The following EPHA6 variants were observed in gnomAD, a reference collection of about 807,000 sequenced individuals.
EPHA6 encodes the protein EPH receptor A6.
In EPHA6, 50 loss-of-function variants were observed where a neutral mutation model predicts 112.0. The ratio of observed to expected loss-of-function variants is 0.45; its 90% CI spans 0.36 to 0.56. EPHA6 has a LOEUF of 0.56. Ranked by LOEUF, EPHA6 falls within the 20% of genes least tolerant of loss-of-function variation. EPHA6 has a pLI of 0.00. For missense variants in EPHA6, 1,280 were observed against 1,417.4 expected, an observed-to-expected ratio of 0.90 and a Z score of 1.56; for synonymous variants, 529 against 490.7, an observed-to-expected ratio of 1.08 and a Z score of -1.03.
At chr3:97,523,760 C>A (rs539753677) in intron 10 of EPHA6, among the ~76,000 whole-genome samples, 1 of 151,938 alleles carries the variant, frequency 6.6e-6, no homozygotes, top group South Asian at 2.1e-4. Context: ...ATTTTAAATG[C>A]TTATCTTTTT....
intron 1 of EPHA6, among the ~76,000 whole-genome samples, chr3:96,857,447 C>T (rs2035760979): frequency 1.3e-5 from 2 of 151,830 alleles, no homozygotes; most frequent in African/African-American, 4.8e-5. Flanking sequence ...CTCCTCCTAA[C>T]TCCTCTGCAA....
chr3:97,691,121 T>C (rs138592992), intron 14 of EPHA6, among the ~76,000 whole-genome samples: 5 of 152,338 alleles, frequency 3.3e-5, no homozygotes, highest in African/African-American at 1.2e-4. Flanking sequence ...TTGCATATGG[T>C]ATAAGTTAGG....
intron 14 of EPHA6, among the ~76,000 whole-genome samples, chr3:97,718,655 C>T (rs570814831): frequency 6.6e-6 from 1 of 152,118 alleles, no homozygotes; most frequent in South Asian, 2.1e-4. Flanking sequence ...AACTCCCTGC[C>T]CCCCAACACT....
chr3:97,413,035 G>A (rs2087842713), intron 6 of EPHA6, among the ~76,000 whole-genome samples: 2 of 151,210 alleles, frequency 1.3e-5, no homozygotes, highest in East Asian at 2.0e-4. Context: ...ATGCCTTCTG[G>A]GGAGTAACAA....
At chr3:97,371,805 G>C (rs1299463358) in intron 5 of EPHA6, among the ~76,000 whole-genome samples, 1 of 152,088 alleles carries the variant, frequency 6.6e-6, no homozygotes, top group Admixed American at 6.6e-5. Context: ...ATGCCTAGGG[G>C]TAGGCCTCTA....
chr3:97,546,758 T>G (rs2092956029), intron 11 of EPHA6, among the ~76,000 whole-genome samples: 1 of 152,218 alleles, frequency 6.6e-6, no homozygotes, highest in African/African-American at 2.4e-5. Flanking sequence ...GAAGCTTTGT[T>G]CATTTCTTTT....
rs545844071 is a variant in EPHA6, at chr3:97,017,517, C to T, written c.1114+29524C>T. ...AAAGTGCTTGGGGGCCCCAAATAAA[C>T]GGGAAAGGCAGTCTAGGCCCCAATG... On this transcript the variant is annotated intron_variant, in intron 3 of 17. Transcript: ENST00000389672. 9.0e-4 allele frequency among the ~76,000 whole-genome samples: 137 copies of T among 152,190 alleles called. 1 individual carries two copies. The highest frequency in any genetic ancestry group is 3.4e-3 in the Middle Eastern group (1 of 294).
At chr3:97,108,860 TAC>T (rs1468548338) in intron 3 of EPHA6, among the ~76,000 whole-genome samples, 1 of 152,184 alleles carries the variant, frequency 6.6e-6, no homozygotes, top group African/African-American at 2.4e-5. Flanking sequence ...AGTTTACAGC[TAC>T]AGTGTTGCAG....
intron 2 of EPHA6, among the ~76,000 whole-genome samples, chr3:96,958,295 GAA>G (rs1051731849): frequency 6.7e-5 from 8 of 119,418 alleles, no homozygotes; most frequent in African/African-American, 1.8e-4. Flanking sequence ...TGTCCCTAAA[GAA>G]AAAAAAAAAA....
At position 96,969,959 on chromosome 3, in the gene EPHA6, G is replaced by A. The variant is rs572548446; in HGVS notation, c.451-17371G>A. ...TCATTTCATTTATTTCATATGTGAT[G>A]TTTATAAGAATTATCAATTCAAAAG... On this transcript the variant is annotated intron_variant, in intron 2 of 17. Transcript: ENST00000389672. Among the ~76,000 whole-genome samples, 11 of 151,936 alleles carry A rather than the reference G, an allele frequency of 7.2e-5. 1 individual carries two copies. The highest frequency in any genetic ancestry group is 2.7e-4 in the African/African-American group (11 of 41,442).
At chr3:96,900,024 A>G (rs1318565790) in intron 2 of EPHA6, among the ~76,000 whole-genome samples, 1 of 152,160 alleles carries the variant, frequency 6.6e-6, no homozygotes, top group Non-Finnish European at 1.5e-5. Context: ...TGTACTGTGA[A>G]CCATGGGAAA....
At chr3:96,942,557 C>G (rs186110315) in intron 2 of EPHA6, among the ~76,000 whole-genome samples, 493 of 152,342 alleles carry the variant, frequency 3.2e-3, no homozygotes, top group Non-Finnish European at 4.7e-3. Flanking sequence ...TGACTCCTTG[C>G]GCTTCCCGAG....
chr3:97,546,062 A>G (rs2092942765), intron 11 of EPHA6, among the ~76,000 whole-genome samples: 1 of 152,214 alleles, frequency 6.6e-6, no homozygotes, highest in African/African-American at 2.4e-5. Context: ...TAGCCCATTT[A>G]CATTTAAAGT....
intron 14 of EPHA6, among the ~76,000 whole-genome samples, chr3:97,661,070 A>G (rs980335345): frequency 6.6e-6 from 1 of 152,132 alleles, no homozygotes; most frequent in Non-Finnish European, 1.5e-5. Context: ...TTCCTATAAT[A>G]AAGTGGAAAA....
chr3:97,105,646 T>A (rs1265214913), intron 3 of EPHA6, among the ~76,000 whole-genome samples: 2 of 151,980 alleles, frequency 1.3e-5, no homozygotes, highest in East Asian at 3.9e-4. Context: ...GGGTGGAGAG[T>A]TCTGCAGAGG....
At chr3:96,842,413 T>A (rs562163254) in intron 1 of EPHA6, among the ~76,000 whole-genome samples, 7 of 152,148 alleles carry the variant, frequency 4.6e-5, no homozygotes, top group African/African-American at 1.7e-4. Flanking sequence ...TATTCTATGA[T>A]GAGAGAAAAA....
chr3:97,451,624 A>G (rs1432487360), intron 7 of EPHA6, among the ~76,000 whole-genome samples: 1 of 151,548 alleles, frequency 6.6e-6, no homozygotes, highest in Non-Finnish European at 1.5e-5. Flanking sequence ...TTAGCTTTAA[A>G]TAGCATTTTC....
chr3:97,187,247 A>G (rs1001760153), intron 3 of EPHA6, among the ~76,000 whole-genome samples: 20 of 152,130 alleles, frequency 1.3e-4, no homozygotes, highest in Admixed American at 1.2e-3. Context: ...TAGAAAAATT[A>G]GAATAATGTG....
intron 4 of EPHA6, among the ~76,000 whole-genome samples, chr3:97,237,350 T>G (rs188208178): frequency 6.6e-6 from 1 of 152,188 alleles, no homozygotes; most frequent in East Asian, 1.9e-4. Flanking sequence ...TCCCCAATTA[T>G]AAATTACTGA....
Sources: gnomAD v4.1 joint callset for allele counts (sites outside exome capture counted in the v4.1 genomes callset) on GRCh38, gnomAD v4.1.1 for gene constraint, MANE v1.5 for transcripts, NCBI Gene and HGNC (gene_info 2026-07-23, HGNC 2026-07-21) for gene names.